CNTNAP4: variants seen among roughly 807,000 people sequenced by gnomAD.
CNTNAP4 encodes the protein contactin-associated protein-like 4.
A neutral mutation model predicts 148.4 loss-of-function variants in CNTNAP4; 98 were observed. The observed-to-expected ratio is 0.66, with a 90% CI of 0.56 to 0.78. CNTNAP4 has a LOEUF of 0.78. Ranked by LOEUF, CNTNAP4 falls within the 30% of genes least tolerant of loss-of-function variation. The pLI, the probability that CNTNAP4 is intolerant of heterozygous loss-of-function variation, is 0.00. For synonymous variants in CNTNAP4, 730 were observed against 565.1 expected (o/e 1.29, Z -4.14); for missense variants, 1,935 against 1,565.6 (o/e 1.24, Z -3.98).
At chr16:76,458,966 A>G (rs1213197562) in intron 8 of CNTNAP4, among the ~76,000 whole-genome samples, 1 of 151,926 alleles carries the variant, frequency 6.6e-6, no homozygotes, top group Non-Finnish European at 1.5e-5. Flanking sequence ...GCCAAAATCT[A>G]TTTTTTTAGT....
intron 21 of CNTNAP4, among the ~76,000 whole-genome samples, chr16:76,546,217 A>G (rs1386907041): frequency 6.6e-6 from 1 of 152,152 alleles, no homozygotes; most frequent in Admixed American, 6.5e-5. Flanking sequence ...AGAGGGCACT[A>G]TGCAGCCACA....
chr16:76,475,087 C>T (rs1158399941), intron 10 of CNTNAP4, among the ~76,000 whole-genome samples: 1 of 151,948 alleles, frequency 6.6e-6, no homozygotes, highest in Non-Finnish European at 1.5e-5. Context: ...GGAGGCAGAA[C>T]CCCTGCTTGA....
chr16:76,476,461 G>T (rs1478344903), intron 11 of CNTNAP4, among the ~76,000 whole-genome samples: 2 of 152,212 alleles, frequency 1.3e-5, no homozygotes, highest in East Asian at 3.9e-4. Flanking sequence ...GTGGGTTGGG[G>T]TGGTTTGTGG....
intron 17 of CNTNAP4, among the ~76,000 whole-genome samples, chr16:76,522,659 T>C (rs1568496226): frequency 0.025 from 3,150 of 125,136 alleles, 376 homozygotes; most frequent in Middle Eastern, 0.044. Flanking sequence ...TCTCTCTTTC[T>C]CTCTTTCCTT....
chr16:76,370,372 A>G (rs986276439), intron 3 of CNTNAP4, among the ~76,000 whole-genome samples: 1 of 152,152 alleles, frequency 6.6e-6, no homozygotes, highest in African/African-American at 2.4e-5. Context: ...TCAGAATGCT[A>G]GAACTTCTGC....
chr16:76,398,500 A>G (rs896023801), intron 3 of CNTNAP4, among the ~76,000 whole-genome samples: 1 of 152,118 alleles, frequency 6.6e-6, no homozygotes, highest in Non-Finnish European at 1.5e-5. Flanking sequence ...ATTCTCAGCC[A>G]CCGCACTGCA....
At chr16:76,468,474 A>AAAATAAAT (rs570603130) in intron 10 of CNTNAP4, among the ~76,000 whole-genome samples, 8 of 151,784 alleles carry the variant, frequency 5.3e-5, no homozygotes, top group Non-Finnish European at 1.2e-4. Flanking sequence ...ACTCTGGCTC[A>AAAATAAAT]AAATAAATAA....
chr16:76,446,765 T>C (rs896808141), intron 4 of CNTNAP4, among the ~76,000 whole-genome samples: 3 of 152,138 alleles, frequency 2.0e-5, no homozygotes, highest in Non-Finnish European at 2.9e-5. Flanking sequence ...ATCAGTTTAA[T>C]GTGTACTCAA....
At chr16:76,531,145 G>A (rs1227831545) in intron 17 of CNTNAP4, among the ~76,000 whole-genome samples, 5 of 152,164 alleles carry the variant, frequency 3.3e-5, no homozygotes, top group African/African-American at 9.7e-5. Context: ...AGGCCCCTGG[G>A]TGAGTGGGTG....
At chr16:76,463,835 A>G (rs1178018930) in intron 9 of CNTNAP4, among the ~76,000 whole-genome samples, 1 of 152,152 alleles carries the variant, frequency 6.6e-6, no homozygotes, top group Admixed American at 6.6e-5. Context: ...ATAATTTTAC[A>G]TCTATTAAGG....
chr16:76,362,794 G>A (rs1258694083), intron 3 of CNTNAP4, among the ~76,000 whole-genome samples: 1 of 152,168 alleles, frequency 6.6e-6, no homozygotes, highest in Non-Finnish European at 1.5e-5. Context: ...AACTACCTGT[G>A]AGGTACTATG....
chr16:76,386,592 G>C (rs952585658), intron 3 of CNTNAP4, among the ~76,000 whole-genome samples: 1 of 151,884 alleles, frequency 6.6e-6, no homozygotes, highest in East Asian at 1.9e-4. Flanking sequence ...AGCCTAACCT[G>C]GTGCTAGAAA....
chr16:76,333,400 T>A (rs1206868145), intron 2 of CNTNAP4, among the ~76,000 whole-genome samples: 1 of 152,240 alleles, frequency 6.6e-6, no homozygotes, highest in Non-Finnish European at 1.5e-5. Context: ...ATTTCAGTTG[T>A]TGTACTTTGC....
At chr16:76,333,313 T>A (rs528687321) in intron 2 of CNTNAP4, among the ~76,000 whole-genome samples, 1 of 152,336 alleles carries the variant, frequency 6.6e-6, no homozygotes, top group African/African-American at 2.4e-5. Flanking sequence ...TGAATACATA[T>A]GCTCAATCTA....
chr16:76,502,005 C>G (rs1304370601), intron 15 of CNTNAP4, among the ~76,000 whole-genome samples: 1 of 151,058 alleles, frequency 6.6e-6, no homozygotes, highest in South Asian at 2.1e-4. Context: ...GGAGGCGGAG[C>G]TTGCAGTGAG....
At chr16:76,464,808 T>C (rs190476251) in intron 9 of CNTNAP4, among the ~76,000 whole-genome samples, 112 of 152,318 alleles carry the variant, frequency 7.4e-4, no homozygotes, top group Non-Finnish European at 1.4e-3. Flanking sequence ...ACTCTGTAGC[T>C]TTTTTTCCAC....
chr16:76,458,021 C>T (rs1341069838), intron 8 of CNTNAP4, among the ~76,000 whole-genome samples: 1 of 152,088 alleles, frequency 6.6e-6, no homozygotes, highest in African/African-American at 2.4e-5. Flanking sequence ...GTGATTAGCT[C>T]CCACTTACAA....
At chr16:76,299,105 A>C (rs973473409) in intron 1 of CNTNAP4, among the ~76,000 whole-genome samples, 7 of 152,218 alleles carry the variant, frequency 4.6e-5, no homozygotes, top group African/African-American at 1.7e-4. Flanking sequence ...CTTCATGTCT[A>C]AAACACCAAA....
chr16:76,542,693 A>T (rs900595033), intron 21 of CNTNAP4, among the ~76,000 whole-genome samples: 1 of 152,202 alleles, frequency 6.6e-6, no homozygotes, highest in Non-Finnish European at 1.5e-5. Flanking sequence ...TCAGCTCCTT[A>T]TTCTGTCCTC....
Sources: gnomAD v4.1 joint callset for allele counts (sites outside exome capture counted in the v4.1 genomes callset) on GRCh38, gnomAD v4.1.1 for gene constraint, MANE v1.5 for transcripts, NCBI Gene and HGNC (gene_info 2026-07-23, HGNC 2026-07-21) for gene names.